The following UBE2W variants were observed in gnomAD, a reference collection of about 807,000 sequenced individuals.
UBE2W encodes ubiquitin-conjugating enzyme E2 W.
In UBE2W, 18 loss-of-function variants were observed where a neutral mutation model predicts 27.2. The ratio of observed to expected loss-of-function variants is 0.66; its 90% CI spans 0.46 to 0.98. The LOEUF (loss-of-function observed/expected upper bound fraction) is 0.98. Among genes scored for constraint, UBE2W ranks in the 50% least tolerant of loss-of-function variants. UBE2W has a pLI of 0.00. For synonymous variants in UBE2W, 53 were observed against 57.2 expected (o/e 0.93, Z 0.33); for missense variants, 90 against 180.2 (o/e 0.50, Z 2.87).
intron 5 of UBE2W, 35 bp downstream of exon 5, chr8:73,805,616 A>G: frequency 7.5e-7 from 1 of 1,327,730 alleles, no homozygotes; most frequent in Non-Finnish European, 1.0e-6. Flanking sequence ...TCATATCAAA[A>G]TGCTAAAAAG....
In UBE2W at chr8:73,793,309, T is replaced by C. The variant is rs568546615; in HGVS notation, c.*793A>G. Reference sequence around the variant, plus strand: ...AATTTAATCATCACTGCCATTTTTCTTACTTCCAAAATAAAGCCTTGATTA... The same window carrying C: ...AATTTAATCATCACTGCCATTTTTCCTACTTCCAAAATAAAGCCTTGATTA... On this transcript the variant is annotated 3_prime_UTR_variant, in exon 6 of 6. Coordinates refer to ENST00000602593, the MANE Select transcript of UBE2W (RefSeq NM_018299.6). 20 of 985,836 alleles carry C rather than the reference T, an allele frequency of 2.0e-5. No homozygotes were observed. The African/African-American group carries it at 2.8e-4, about 14-fold the overall frequency. 61.1% of individuals were successfully genotyped at this position (985,836 alleles called of 1,614,324 possible).
intron 1 of UBE2W, among the ~76,000 whole-genome samples, chr8:73,864,177 T>C (rs1811647688): frequency 6.6e-6 from 1 of 152,184 alleles, no homozygotes; most frequent in Admixed American, 6.5e-5. Context: ...GCAGATTGCT[T>C]GAGGTCAGGA....
chr8:73,874,987 C>A (rs941067732), intron 1 of UBE2W, among the ~76,000 whole-genome samples: 2 of 152,126 alleles, frequency 1.3e-5, no homozygotes, highest in African/African-American at 4.8e-5. Flanking sequence ...TGCAGCAAGC[C>A]GAGACAGCGC....
chr8:73,814,267 G>C (rs1352872306), intron 3 of UBE2W, among the ~76,000 whole-genome samples: 1 of 152,136 alleles, frequency 6.6e-6, no homozygotes, highest in East Asian at 1.9e-4. Flanking sequence ...GTTTCAAGTA[G>C]CTGACAAAAC....
intron 1 of UBE2W, among the ~76,000 whole-genome samples, chr8:73,863,879 A>T (rs1323493032): frequency 2.0e-5 from 3 of 152,120 alleles, no homozygotes; most frequent in African/African-American, 4.8e-5. Context: ...ATGTGATATC[A>T]AAGTTGGAAA....
At chr8:73,845,761 G>C (rs906431515) in intron 1 of UBE2W, among the ~76,000 whole-genome samples, 1 of 150,494 alleles carries the variant, frequency 6.6e-6, no homozygotes, top group African/African-American at 2.4e-5. Context: ...ACAAAAGATA[G>C]ATTAGCTACA....
At chr8:73,800,801 T>C (rs1040922693) in intron 5 of UBE2W, among the ~76,000 whole-genome samples, 7 of 152,076 alleles carry the variant, frequency 4.6e-5, no homozygotes, top group Admixed American at 3.9e-4. Flanking sequence ...CTAAGAAAAA[T>C]AACTTCTATT....
chr8:73,798,001 G>GT (rs1374778899), intron 5 of UBE2W, among the ~76,000 whole-genome samples: 2 of 152,182 alleles, frequency 1.3e-5, no homozygotes, highest in Non-Finnish European at 2.9e-5. Context: ...TTAAAATGCT[G>GT]TATAGGTCCA....
At chr8:73,869,626 G>C (rs1454914809) in intron 1 of UBE2W, among the ~76,000 whole-genome samples, 1 of 152,192 alleles carries the variant, frequency 6.6e-6, no homozygotes, top group African/African-American at 2.4e-5. Flanking sequence ...GGGAGACGGA[G>C]GTTGCAATGA....
At chr8:73,830,517 T>C in intron 1 of UBE2W, 45 bp from the exon 2 acceptor site, 1 of 1,518,200 alleles carries the variant, frequency 6.6e-7, no homozygotes, top group East Asian at 2.3e-5. Flanking sequence ...TGAGACTAGG[T>C]CTGGGTCACC....
In UBE2W at chr8:73,787,814, G is replaced by A. The variant is rs1387914674; in HGVS notation, c.*6288C>T. 4 of 985,170 alleles carry A rather than the reference G, an allele frequency of 4.1e-6. No individual in the cohort carries two copies. The highest frequency in any genetic ancestry group is 1.1e-4 in the East Asian group (1 of 8,824). 61.0% of individuals were successfully genotyped at this position (985,170 alleles called of 1,614,324 possible). A position where few individuals can be genotyped will look rare whatever the true frequency, so the allele number is the denominator to read the frequency against. ...GTACAACTTGAAGTTCAGGAACATC[G>A]GACTCACGATAACTCTAAGCAAGTG... On this transcript the variant is annotated 3_prime_UTR_variant, in exon 6 of 6. Coordinates refer to ENST00000602593, the MANE Select transcript of UBE2W (RefSeq NM_018299.6).
downstream of UBE2W, among the ~76,000 whole-genome samples, chr8:73,785,938 C>T (rs190671727): frequency 6.6e-6 from 1 of 152,304 alleles, no homozygotes; most frequent in East Asian, 1.9e-4. Flanking sequence ...ATCTGCACCT[C>T]TTAAGGCTTG....
rs148842737 is a variant in UBE2W at position 73,814,401 on chromosome 8, C to T, written c.211-3772G>A. Among the ~76,000 whole-genome samples the T allele has an allele frequency of 1.6e-4, 25 of 152,154 alleles. No homozygotes were observed. The East Asian group carries it at 4.2e-3, about 26-fold the overall frequency. Reference sequence around the variant, plus strand: ...TGGAGACCACGGACATTCCTCGCTGCGTAAATTACACTAAGTAAAATGGAA... The same window carrying T: ...TGGAGACCACGGACATTCCTCGCTGTGTAAATTACACTAAGTAAAATGGAA... On this transcript the variant is annotated intron_variant, in intron 3 of 5. Coordinates refer to ENST00000602593, the MANE Select transcript of UBE2W (RefSeq NM_018299.6).
At chr8:73,796,201 T>C (rs1427080039) in intron 5 of UBE2W, among the ~76,000 whole-genome samples, 1 of 151,564 alleles carries the variant, frequency 6.6e-6, no homozygotes, top group African/African-American at 2.4e-5. Flanking sequence ...GCTTCTGCAA[T>C]AGAGTAACAA....
intron 1 of UBE2W, among the ~76,000 whole-genome samples, chr8:73,834,781 C>A (rs1197153011): frequency 6.6e-6 from 1 of 151,826 alleles, no homozygotes; most frequent in Non-Finnish European, 1.5e-5. Context: ...TGGTGGCATG[C>A]GCCTGTAATC....
At chr8:73,862,208 T>C (rs1178510874) in intron 1 of UBE2W, among the ~76,000 whole-genome samples, 1 of 152,212 alleles carries the variant, frequency 6.6e-6, no homozygotes, top group Non-Finnish European at 1.5e-5. Flanking sequence ...GACGGGCAGA[T>C]CATGTGAGGT....
chr8:73,796,660 AGGGACTTGC>A (rs1808433983), intron 5 of UBE2W: 1 of 984,978 alleles, frequency 1.0e-6, no homozygotes, highest in Non-Finnish European at 1.2e-6. Context: ...CTAGATCAAC[AGGGACTTGC>A]GGGACTACGA....
rs1808304688 is a variant in UBE2W, at chr8:73,793,909, T to G, written c.*193A>C. ...TAATACTGTATGACTAATAAAAGCA[T>G]GTCAGTTGCCTGGACTGAACCAGCG... On this transcript the variant is annotated 3_prime_UTR_variant, in exon 6 of 6. Transcript: ENST00000602593. The G allele has an allele frequency of 4.2e-6, 6 of 1,412,122 alleles. No homozygotes were observed. Among genetic ancestry groups the G allele is most frequent in the Non-Finnish European group, 5.6e-6 (6 of 1,079,406 alleles). The allele number at this position is 1,412,122 out of a possible 1,614,324, so 87.5% of individuals were successfully genotyped here. A position where few individuals can be genotyped will look rare whatever the true frequency, so the allele number is the denominator to read the frequency against.
chr8:73,839,955 C>T (rs970654098), intron 1 of UBE2W, among the ~76,000 whole-genome samples: 13 of 151,942 alleles, frequency 8.6e-5, no homozygotes, highest in African/African-American at 1.2e-4. Flanking sequence ...AAGCTGGTCT[C>T]GAACTCCTGG....
Sources: allele counts gnomAD v4.1 joint callset (sites outside exome capture counted in the v4.1 genomes callset), GRCh38; gene constraint gnomAD v4.1.1; transcripts MANE v1.5; gene names NCBI Gene and HGNC (gene_info 2026-07-23, HGNC 2026-07-21).